The following NPAS3 variants were observed in gnomAD, a reference collection of about 807,000 sequenced individuals.
NPAS3 encodes neuronal PAS domain protein 3.
In NPAS3, 14 loss-of-function variants were observed where a neutral mutation model predicts 73.1. The ratio of observed to expected loss-of-function variants is 0.19; its 90% confidence interval spans 0.13 to 0.30. NPAS3 has a LOEUF of 0.30. Among genes scored for constraint, NPAS3 ranks in the 10% least tolerant of loss-of-function variants. The pLI is 1.00. For missense variants in NPAS3, 1,096 were observed against 1,250.0 expected, an observed-to-expected ratio of 0.88 and a Z score of 1.86; for synonymous variants, 620 against 541.5, an observed-to-expected ratio of 1.14 and a Z score of -2.01.
At chr14:33,495,119 A>C (rs2052106776) in intron 4 of NPAS3, among the ~76,000 whole-genome samples, 1 of 152,140 alleles carries the variant, frequency 6.6e-6, no homozygotes, top group South Asian at 2.1e-4. Context: ...ATTTGGTGCT[A>C]TAAATTTCCC....
chr14:33,720,294 G>A (rs57171231), intron 6 of NPAS3, among the ~76,000 whole-genome samples: 53,663 of 151,952 alleles, frequency 0.35, 10,610 homozygotes, highest in Non-Finnish European at 0.46. Flanking sequence ...TTCCAACTGC[G>A]GTGATCAGCA....
chr14:33,145,192 C>G (rs964235907), intron 2 of NPAS3, among the ~76,000 whole-genome samples: 7 of 152,196 alleles, frequency 4.6e-5, no homozygotes, highest in African/African-American at 1.4e-4. Context: ...AAACCTTTAC[C>G]CAGAGTATGT....
intron 5 of NPAS3, chr14:33,583,375 A>G (rs1284346299): frequency 6.6e-6 from 1 of 152,234 alleles, no homozygotes; most frequent in African/African-American, 2.4e-5. Flanking sequence ...GAAATCACCT[A>G]CCATGCCTCA....
chr14:33,188,650 A>T (rs1383249588), intron 2 of NPAS3, among the ~76,000 whole-genome samples: 1 of 152,194 alleles, frequency 6.6e-6, no homozygotes, highest in African/African-American at 2.4e-5. Flanking sequence ...CTCTTGAATC[A>T]CCCTAGAGCT....
intron 3 of NPAS3, among the ~76,000 whole-genome samples, chr14:33,341,584 T>C (rs1012873936): frequency 1.3e-5 from 2 of 151,940 alleles, no homozygotes; most frequent in South Asian, 4.1e-4. Flanking sequence ...AGTGGGGCGA[T>C]CTGGGTATAA....
At chr14:33,695,490 A>G (rs2060351699) in intron 6 of NPAS3, among the ~76,000 whole-genome samples, 2 of 152,220 alleles carry the variant, frequency 1.3e-5, no homozygotes, top group Non-Finnish European at 2.9e-5. Flanking sequence ...TTGAAAAATC[A>G]AAATCAGACT....
At chr14:33,167,682 G>A (rs1372286601) in intron 2 of NPAS3, among the ~76,000 whole-genome samples, 3 of 152,164 alleles carry the variant, frequency 2.0e-5, no homozygotes, top group African/African-American at 7.2e-5. Flanking sequence ...ACATTTGTGA[G>A]CAATATGTTA....
chr14:33,628,350 G>A (rs988931379), intron 5 of NPAS3, among the ~76,000 whole-genome samples: 1 of 152,194 alleles, frequency 6.6e-6, no homozygotes, highest in African/African-American at 2.4e-5. Flanking sequence ...AGTATGCCAG[G>A]ACACAGGTTG....
intron 7 of NPAS3, among the ~76,000 whole-genome samples, chr14:33,745,723 T>C (rs1277468766): frequency 1.3e-5 from 2 of 152,252 alleles, no homozygotes; most frequent in African/African-American, 4.8e-5. Context: ...TTATATGAGC[T>C]CTAGAATAAT....
chr14:33,621,619 A>C (rs2058077434), intron 5 of NPAS3, among the ~76,000 whole-genome samples: 1 of 152,176 alleles, frequency 6.6e-6, no homozygotes, highest in Non-Finnish European at 1.5e-5. Context: ...TTTCATAATT[A>C]TCTTTCCCTT....
At chr14:33,244,882 T>G (rs2048326888) in intron 3 of NPAS3, among the ~76,000 whole-genome samples, 1 of 152,220 alleles carries the variant, frequency 6.6e-6, no homozygotes, top group South Asian at 2.1e-4. Context: ...TTGCACTTGA[T>G]TTTGGGACAA....
intron 4 of NPAS3, among the ~76,000 whole-genome samples, chr14:33,383,398 A>G (rs2046642580): frequency 6.6e-6 from 1 of 152,176 alleles, no homozygotes; most frequent in Non-Finnish European, 1.5e-5. Context: ...AGTCAGTGAT[A>G]GTAACTGATT....
intron 4 of NPAS3, among the ~76,000 whole-genome samples, chr14:33,523,029 C>T (rs926054102): frequency 2.6e-5 from 4 of 152,128 alleles, no homozygotes; most frequent in East Asian, 1.9e-4. Context: ...AACTGAATTA[C>T]ACCCATAGTC....
intron 4 of NPAS3, among the ~76,000 whole-genome samples, chr14:33,519,818 C>A (rs1488821463): frequency 6.6e-6 from 1 of 152,098 alleles, no homozygotes; most frequent in Non-Finnish European, 1.5e-5. Flanking sequence ...GTGTTTGAAC[C>A]CAGATAATAC....
intron 2 of NPAS3, among the ~76,000 whole-genome samples, chr14:33,112,928 T>C (rs2042943842): frequency 6.6e-6 from 1 of 152,206 alleles, no homozygotes; most frequent in Non-Finnish European, 1.5e-5. Context: ...TAGGGAATCC[T>C]TTCCCCAGTT....
At chr14:33,496,910 G>C (rs776578847) in intron 4 of NPAS3, among the ~76,000 whole-genome samples, 1 of 151,882 alleles carries the variant, frequency 6.6e-6, no homozygotes, top group Non-Finnish European at 1.5e-5. Flanking sequence ...AAGTCAAATT[G>C]TCTGTTTACA....
At position 33,443,809 on chromosome 14, in the gene NPAS3, C is replaced by A. The variant is rs1004164449; in HGVS notation, c.468+76541C>A. 3.9e-5 allele frequency among the ~76,000 whole-genome samples: 6 copies of A among 152,114 alleles called. No individual in the cohort carries two copies. In the East Asian group the frequency reaches 1.2e-3, roughly 29 times the overall value. On this transcript the variant is annotated intron_variant, in intron 4 of 11. Coordinates refer to ENST00000356141, the Ensembl canonical transcript of NPAS3. ...CCAGCCTGCTAGGTGGAAGAGATGC[C>A]TCTGAGTTTTATCTCTGGTCACCAG... is the stretch of plus-strand genomic sequence containing the variant.
At chr14:32,968,655 T>C (rs931507308) in intron 1 of NPAS3, among the ~76,000 whole-genome samples, 2 of 152,168 alleles carry the variant, frequency 1.3e-5, no homozygotes, top group African/African-American at 2.4e-5. Context: ...ACATTTATTA[T>C]CTAACACAAT....
At chr14:33,024,049 G>A (rs2039705428) in intron 1 of NPAS3, among the ~76,000 whole-genome samples, 1 of 151,972 alleles carries the variant, frequency 6.6e-6, no homozygotes, top group African/African-American at 2.4e-5. Context: ...TAACTTGGTA[G>A]GTCTTTTGGA....
Sources: allele counts gnomAD v4.1 joint callset (sites outside exome capture counted in the v4.1 genomes callset), GRCh38; gene constraint gnomAD v4.1.1; transcripts MANE v1.5; gene names NCBI Gene and HGNC (gene_info 2026-07-23, HGNC 2026-07-21).